TRPM3: variants seen among roughly 807,000 people sequenced by gnomAD.
TRPM3 encodes the protein long transient receptor potential channel 3.
TRPM3 carries 77 observed loss-of-function variants against 181.2 expected under a neutral mutation model. That is an observed-to-expected ratio of 0.42 (90% CI 0.35 to 0.51). The LOEUF (loss-of-function observed/expected upper bound fraction) is 0.51. Among genes scored for constraint, TRPM3 ranks in the 20% least tolerant of loss-of-function variants. TRPM3 has a pLI of 0.01. For synonymous variants in TRPM3, 745 were observed against 796.4 expected, an observed-to-expected ratio of 0.94 and a Z score of 1.09; for missense variants, 1,759 against 2,196.7, an observed-to-expected ratio of 0.80 and a Z score of 3.98.
chr9:71,219,977 A>G (rs575522145), intron 1 of TRPM3, among the ~76,000 whole-genome samples: 11 of 152,280 alleles, frequency 7.2e-5, no homozygotes, highest in African/African-American at 7.2e-5. Context: ...ATGCCCCCCA[A>G]TCCTCACCAA....
chr9:71,019,157 A>G (rs530298284), intron 1 of TRPM3, among the ~76,000 whole-genome samples: 1 of 151,970 alleles, frequency 6.6e-6, no homozygotes, highest in African/African-American at 2.4e-5. Context: ...AGCAAATATG[A>G]TCTTTAATAG....
At chr9:70,871,029 G>T (rs1007811651) in intron 1 of TRPM3, among the ~76,000 whole-genome samples, 9 of 151,810 alleles carry the variant, frequency 5.9e-5, no homozygotes, top group Non-Finnish European at 1.2e-4. Context: ...AAAGCAAGGA[G>T]AATTAAGTAA....
At chr9:70,981,519 C>A (rs2097363331) in intron 1 of TRPM3, among the ~76,000 whole-genome samples, 1 of 152,186 alleles carries the variant, frequency 6.6e-6, no homozygotes, top group Admixed American at 6.5e-5. Flanking sequence ...GCTGACATCA[C>A]AATGTTGCCT....
chr9:70,599,254 A>G (rs1196486628), intron 20 of TRPM3, among the ~76,000 whole-genome samples: 1 of 152,192 alleles, frequency 6.6e-6, no homozygotes, highest in East Asian at 1.9e-4. Flanking sequence ...CAGCACAAAT[A>G]ATGATCTTTA....
upstream of TRPM3, among the ~76,000 whole-genome samples, chr9:71,125,767 C>T (rs1402173583): frequency 6.6e-6 from 1 of 152,044 alleles, no homozygotes; most frequent in Non-Finnish European, 1.5e-5. Context: ...CTATAACAAC[C>T]CTAGAAGATA....
At chr9:70,957,818 A>G (rs2133782502) in intron 1 of TRPM3, among the ~76,000 whole-genome samples, 1 of 152,296 alleles carries the variant, frequency 6.6e-6, no homozygotes, top group East Asian at 1.9e-4. Context: ...CTACTGTAAT[A>G]TGAAAGTCCT....
At chr9:71,306,619 T>G (rs2132365614) in intron 1 of TRPM3, among the ~76,000 whole-genome samples, 1 of 152,324 alleles carries the variant, frequency 6.6e-6, no homozygotes, top group East Asian at 1.9e-4. Flanking sequence ...CTCACGCCTG[T>G]AATCCCAGCA....
intron 1 of TRPM3, among the ~76,000 whole-genome samples, chr9:71,166,766 G>T (rs2134862): frequency 0.4 from 61,492 of 152,024 alleles, 12,725 homozygotes; most frequent in East Asian, 0.52. Context: ...ATGTGAAACT[G>T]AAATACATTA....
intron 1 of TRPM3, among the ~76,000 whole-genome samples, chr9:71,054,105 A>G (rs2060384034): frequency 6.6e-6 from 1 of 152,132 alleles, no homozygotes; most frequent in African/African-American, 2.4e-5. Flanking sequence ...TGTGTGGTAC[A>G]TGGAAAACTG....
intron 18 of TRPM3, among the ~76,000 whole-genome samples, chr9:70,614,855 T>G (rs1050956275): frequency 2.0e-5 from 3 of 152,236 alleles, no homozygotes; most frequent in African/African-American, 7.2e-5. Context: ...AACTATTATA[T>G]TCTATTCAGA....
At chr9:71,202,904 G>GA (rs1587932769) in intron 1 of TRPM3, among the ~76,000 whole-genome samples, 1 of 152,158 alleles carries the variant, frequency 6.6e-6, no homozygotes. Flanking sequence ...ATGGGTATTA[G>GA]AAAAATGTCC....
At chr9:71,194,971 T>C (rs543666197) in intron 1 of TRPM3, among the ~76,000 whole-genome samples, 12 of 152,050 alleles carry the variant, frequency 7.9e-5, no homozygotes, top group East Asian at 5.8e-4. Context: ...ACATCACAGA[T>C]AGAAACACTG....
intron 1 of TRPM3, among the ~76,000 whole-genome samples, chr9:71,358,742 G>A (rs559231077): frequency 2.0e-5 from 3 of 152,280 alleles, no homozygotes; most frequent in African/African-American, 4.8e-5. Context: ...TTAAAGTTGT[G>A]ATGTGACATC....
At chr9:70,822,826 T>C (rs2093292622) in intron 6 of TRPM3, among the ~76,000 whole-genome samples, 1 of 151,764 alleles carries the variant, frequency 6.6e-6, no homozygotes, top group Admixed American at 6.6e-5. Context: ...GGTATTTGGG[T>C]CTGTGCCTCT....
chr9:71,212,200 T>G (rs2079550182), intron 1 of TRPM3, among the ~76,000 whole-genome samples: 1 of 152,172 alleles, frequency 6.6e-6, no homozygotes, highest in Non-Finnish European at 1.5e-5. Flanking sequence ...CACAGCAGCC[T>G]CAACCTCCCG....
At chr9:71,264,221 C>G (rs1240159825) in intron 1 of TRPM3, among the ~76,000 whole-genome samples, 1 of 152,088 alleles carries the variant, frequency 6.6e-6, no homozygotes, top group Non-Finnish European at 1.5e-5. Flanking sequence ...ACACACACCC[C>G]ACAAAAAGGG....
intron 7 of TRPM3, among the ~76,000 whole-genome samples, chr9:70,781,421 T>A (rs2082439417): frequency 1.3e-5 from 2 of 149,850 alleles, no homozygotes; most frequent in South Asian, 4.3e-4. Flanking sequence ...AGGGAAAGAA[T>A]CCCCATGACA....
At chr9:70,883,649 G>A (rs1275256157) in intron 1 of TRPM3, among the ~76,000 whole-genome samples, 1 of 152,172 alleles carries the variant, frequency 6.6e-6, no homozygotes, top group African/African-American at 2.4e-5. Flanking sequence ...GTTGAAAAAG[G>A]TAATGGTAGA....
At chr9:70,827,303 G>T (rs2093614206) in intron 6 of TRPM3, 1 of 151,362 alleles carries the variant, frequency 6.6e-6, no homozygotes, top group African/African-American at 2.4e-5. Context: ...ACCAAAAAAA[G>T]CTTAATAAAT....
Sources: allele counts gnomAD v4.1 joint callset (sites outside exome capture counted in the v4.1 genomes callset), GRCh38; gene constraint gnomAD v4.1.1; transcripts MANE v1.5; gene names NCBI Gene and HGNC (gene_info 2026-07-23, HGNC 2026-07-21).